Variants in SELENBP1 observed in about 807,000 individuals in gnomAD.
SELENBP1 encodes selenium binding protein 1.
Under a neutral mutation model 61.0 loss-of-function variants are expected in SELENBP1, and 71 were observed. The observed-to-expected ratio is 1.16, with a 90% CI of 0.96 to 1.42. The LOEUF (loss-of-function observed/expected upper bound fraction) is 1.42, where lower values mean the gene tolerates loss of function less well. Among genes scored for constraint, SELENBP1 ranks in the 40% most tolerant of loss-of-function variants. SELENBP1 has a pLI of 0.00. For synonymous variants in SELENBP1, 270 were observed against 238.9 expected, an observed-to-expected ratio of 1.13 and a Z score of -1.20; for missense variants, 561 against 605.0, an observed-to-expected ratio of 0.93 and a Z score of 0.76.
chr1:151,368,395 C>T, intron 4 of SELENBP1, 76 bp from the exon 5 acceptor site: 2 of 1,557,330 alleles, frequency 1.3e-6, no homozygotes, highest in Non-Finnish European at 1.8e-6. Context: ...ACTTCCCCTA[C>T]TTCTATCTGC....
At chr1:151,370,602 A>C (rs1298709864) in intron 1 of SELENBP1, among the ~76,000 whole-genome samples, 1 of 152,238 alleles carries the variant, frequency 6.6e-6, no homozygotes, top group South Asian at 2.1e-4. Context: ...AAGAGGGGCC[A>C]TGCTAATCTC....
chr1:151,365,606 T>A lies in SELENBP1; in HGVS notation c.1001A>T (p.Gln334Leu). ...TCTCTGTGGGTCAGAGATGTCATAC[T>A]GCCTCAGGTCCCCATGCAGCCAGTT... ...FSNWLHGDLRQYDISDPQRPR... is the reference protein window; with the variant it reads ...FSNWLHGDLRLYDISDPQRPR... Residue 334 changes from glutamine to leucine, a missense_variant, in exon 9 of 12, where the codon CAG (glutamine) becomes CTG (leucine). Transcript: ENST00000368868. 6.2e-7 allele frequency: 1 copy of A among 1,614,192 alleles called. No homozygotes were observed. Among genetic ancestry groups the A allele is most frequent in the Non-Finnish European group, 8.5e-7 (1 of 1,180,026 alleles).
intron 5 of SELENBP1, 139 bp downstream of exon 5, chr1:151,368,060 C>T (rs1651948686): frequency 9.1e-7 from 1 of 1,100,952 alleles, no homozygotes; most frequent in East Asian, 2.4e-5. Context: ...ATTTAAAATA[C>T]TGGCTGGGAT....
At chr1:151,369,653 C>T in intron 2 of SELENBP1, 60 bp downstream of exon 2, 8 of 1,545,092 alleles carry the variant, frequency 5.2e-6, no homozygotes, top group Non-Finnish European at 7.0e-6. Flanking sequence ...TCTGAAGTCC[C>T]TCCACCCCCA....
intron 9 of SELENBP1, 33 bp from the exon 10 acceptor site, chr1:151,365,314 C>A: frequency 6.3e-7 from 1 of 1,590,192 alleles, no homozygotes; most frequent in Non-Finnish European, 8.6e-7. Context: ...TAAGGAGGAC[C>A]ATAGTGGGAG....
intron 11 of SELENBP1, 28 bp downstream of exon 11, chr1:151,364,898 G>T: frequency 1.9e-6 from 3 of 1,604,586 alleles, no homozygotes; most frequent in Non-Finnish European, 2.6e-6. Context: ...GAGGGCTGGG[G>T]AGGAGAGCCC....
Sources: gnomAD v4.1 joint callset for allele counts (sites outside exome capture counted in the v4.1 genomes callset) on GRCh38, gnomAD v4.1.1 for gene constraint, MANE v1.5 for transcripts, NCBI Gene and HGNC (gene_info 2026-07-23, HGNC 2026-07-21) for gene names.